The following MCC variants were observed in gnomAD, a reference collection of about 807,000 sequenced individuals.
MCC encodes colorectal mutant cancer protein.
A neutral mutation model predicts 116.2 loss-of-function variants in MCC; 90 were observed. The ratio of observed to expected loss-of-function variants is 0.77; its 90% CI spans 0.65 to 0.92. The LOEUF is 0.92. MCC is among the 40% of genes least tolerant of loss of function. The pLI is 0.00. For missense variants in MCC, 1,516 were observed against 1,312.2 expected (o/e 1.16, Z -2.40); for synonymous variants, 578 against 510.5 (o/e 1.13, Z -1.78).
intron 3 of MCC, among the ~76,000 whole-genome samples, chr5:113,236,785 C>T (rs1275848686): frequency 6.6e-6 from 1 of 152,150 alleles, no homozygotes; most frequent in Admixed American, 6.5e-5. Context: ...TCCCTCCCTC[C>T]TCAAACTGAT....
chr5:113,328,153 T>A (rs1280518257), intron 3 of MCC, among the ~76,000 whole-genome samples: 2 of 152,060 alleles, frequency 1.3e-5, no homozygotes. Flanking sequence ...ATAGTAAGTG[T>A]TAGATTAGAA....
intron 11 of MCC, among the ~76,000 whole-genome samples, chr5:113,076,288 A>G (rs1320710839): frequency 6.6e-6 from 1 of 152,206 alleles, no homozygotes; most frequent in Non-Finnish European, 1.5e-5. Context: ...ACCAACATTC[A>G]CATTCAGGAA....
At position 113,282,227 on chromosome 5, in the gene MCC, C is replaced by G. The variant is rs139173558; in HGVS notation, c.627+58292G>C. ...CAGAGAAGGTGCCAAAAAACAGAGG[C>G]CTTTCCTAGTCATTCAACTTAGTAT... On this transcript the variant is annotated intron_variant, in intron 3 of 18. Transcript: ENST00000408903. Among the ~76,000 whole-genome samples, 852 of 152,282 alleles carry G rather than the reference C, an allele frequency of 5.6e-3. 5 individuals are homozygous for G. Among genetic ancestry groups the G allele is most frequent in the Middle Eastern group, 0.01 (3 of 294 alleles).
chr5:113,103,067 T>C (rs1357681918), intron 7 of MCC, among the ~76,000 whole-genome samples: 6 of 151,948 alleles, frequency 3.9e-5, no homozygotes, highest in Admixed American at 6.6e-5. Context: ...TGAGCTGAGA[T>C]CATGCCACTG....
chr5:113,322,239 T>C (rs1767438652), intron 3 of MCC, among the ~76,000 whole-genome samples: 2 of 152,212 alleles, frequency 1.3e-5, no homozygotes, highest in African/African-American at 4.8e-5. Context: ...CTTCCTTGAC[T>C]TTACCATCTG....
chr5:113,081,566 G>T lies in MCC; in HGVS notation c.1784+1294C>A, dbSNP rs998740364. Reference sequence around the variant, plus strand: ...TAAAGCCCAGAATCTGTAGAGAGGAGATCCTCACTAAATCGAGGTCCCCCT... The same window carrying T: ...TAAAGCCCAGAATCTGTAGAGAGGATATCCTCACTAAATCGAGGTCCCCCT... On this transcript the variant is annotated intron_variant, in intron 11 of 18. Coordinates refer to ENST00000408903, the MANE Select transcript of MCC (RefSeq NM_001085377.2). Among the ~76,000 whole-genome samples, 12 of 152,120 alleles carry T rather than the reference G, an allele frequency of 7.9e-5. 1 individual carries two copies. Among genetic ancestry groups the T allele is most frequent in the Admixed American group, 7.2e-4 (11 of 15,276 alleles).
At chr5:113,386,131 G>A (rs1312529603) in intron 1 of MCC, among the ~76,000 whole-genome samples, 1 of 152,068 alleles carries the variant, frequency 6.6e-6, no homozygotes, top group Admixed American at 6.5e-5. Flanking sequence ...TCCAACTGCA[G>A]GTTTCAACAA....
At chr5:113,080,174 G>A (rs1298247121) in intron 11 of MCC, among the ~76,000 whole-genome samples, 1 of 152,214 alleles carries the variant, frequency 6.6e-6, no homozygotes, top group Non-Finnish European at 1.5e-5. Flanking sequence ...AAAGGATGTG[G>A]AGAAACAGGA....
chr5:113,171,701 C>G (rs1049281722), intron 3 of MCC, among the ~76,000 whole-genome samples: 1 of 152,112 alleles, frequency 6.6e-6, no homozygotes, highest in Non-Finnish European at 1.5e-5. Flanking sequence ...ATTGGTGGCT[C>G]TGTGGCCTGT....
At chr5:113,134,470 C>A (rs76306431) in intron 5 of MCC, among the ~76,000 whole-genome samples, 4,940 of 150,844 alleles carry the variant, frequency 0.033, 109 homozygotes, top group South Asian at 0.11. Context: ...TTGGTTGCCA[C>A]AGCTTTGTAG....
At chr5:113,120,045 A>C (rs1757644684) in intron 6 of MCC, among the ~76,000 whole-genome samples, 1 of 152,254 alleles carries the variant, frequency 6.6e-6, no homozygotes, top group African/African-American at 2.4e-5. Flanking sequence ...GTTGGAGTAC[A>C]GGTCATTTAT....
chr5:113,095,643 C>T lies in MCC; in HGVS notation c.1398+6096G>A, dbSNP rs74466451. Among the ~76,000 whole-genome samples the T allele has an allele frequency of 3.1e-3, 472 of 151,796 alleles. 1 individual carries two copies. The highest frequency in any genetic ancestry group is 0.011 in the African/African-American group (441 of 41,314). ...CAAGCCATTTTCCCACCTCAGCCCCCGAGTAGCTGGGACTATGGGTGCACA... is the reference window on the plus strand; with the variant it reads ...CAAGCCATTTTCCCACCTCAGCCCCTGAGTAGCTGGGACTATGGGTGCACA... On this transcript the variant is annotated intron_variant, in intron 8 of 18. Transcript: ENST00000408903.
At chr5:113,216,110 T>A (rs1763305237) in intron 3 of MCC, among the ~76,000 whole-genome samples, 1 of 152,182 alleles carries the variant, frequency 6.6e-6, no homozygotes, top group African/African-American at 2.4e-5. Context: ...GTATGCCCCC[T>A]TTATTTACAT....
At chr5:113,457,126 C>T (rs1267784609) in intron 1 of MCC, among the ~76,000 whole-genome samples, 1 of 152,210 alleles carries the variant, frequency 6.6e-6, no homozygotes, top group East Asian at 1.9e-4. Context: ...ACTCCCTCAG[C>T]TTGCAGGGAG....
At chr5:113,443,896 T>C (rs1771124622) in intron 1 of MCC, among the ~76,000 whole-genome samples, 2 of 152,240 alleles carry the variant, frequency 1.3e-5, no homozygotes, top group Non-Finnish European at 1.5e-5. Context: ...TGATCTCAGC[T>C]CACTGCAACC....
At chr5:113,351,838 T>A (rs13181944) in intron 2 of MCC, among the ~76,000 whole-genome samples, 20,061 of 152,138 alleles carry the variant, frequency 0.13, 1,598 homozygotes, top group Non-Finnish European at 0.19. Flanking sequence ...GTACCCACAA[T>A]ATTTTTTAAA....
chr5:113,066,524 C>A (rs1418869164), intron 13 of MCC, among the ~76,000 whole-genome samples: 2 of 152,166 alleles, frequency 1.3e-5, no homozygotes, highest in Non-Finnish European at 2.9e-5. Flanking sequence ...GCATCACTCT[C>A]CATACAAATG....
chr5:113,255,194 C>T (rs1410497816), intron 3 of MCC, among the ~76,000 whole-genome samples: 1 of 152,094 alleles, frequency 6.6e-6, no homozygotes, highest in African/African-American at 2.4e-5. Flanking sequence ...AAAATAAGAG[C>T]TATTATTCCC....
chr5:113,203,396 T>C (rs57948635), intron 3 of MCC: 9,846 of 152,282 alleles, frequency 0.065, 951 homozygotes, highest in African/African-American at 0.21. Context: ...TCGGATCTCA[T>C]TCCTCTCAAT....
Sources: gnomAD v4.1 joint callset for allele counts (sites outside exome capture counted in the v4.1 genomes callset) on GRCh38, gnomAD v4.1.1 for gene constraint, MANE v1.5 for transcripts, NCBI Gene and HGNC (gene_info 2026-07-23, HGNC 2026-07-21) for gene names.